Variants in STAT4 observed in about 807,000 individuals in gnomAD.
STAT4 encodes the protein signal transducer and activator of transcription 4.
STAT4 carries 42 observed loss-of-function variants against 110.5 expected under a neutral mutation model. That is an observed-to-expected ratio of 0.38 (90% CI 0.30 to 0.49). STAT4 has a LOEUF of 0.49. Among genes scored for constraint, STAT4 ranks in the 20% least tolerant of loss-of-function variants. The pLI, the probability that STAT4 is intolerant of heterozygous loss-of-function variation, is 0.95. For missense variants in STAT4, 632 were observed against 887.9 expected, an observed-to-expected ratio of 0.71 and a Z score of 3.66; for synonymous variants, 284 against 302.2, an observed-to-expected ratio of 0.94 and a Z score of 0.63.
chr2:191,060,554 GATT>G lies in STAT4; in HGVS notation c.1034+1172_1034+1174del, dbSNP rs1381663311. Reference sequence around the variant, plus strand: ...CTGCCTCAGCCTCTTAAGTAGCTGGGATTACAGGCATGAGCCAACATGCTCAGC... The same window carrying G: ...CTGCCTCAGCCTCTTAAGTAGCTGGGACAGGCATGAGCCAACATGCTCAGC... On this transcript the variant is annotated intron_variant, in intron 10 of 23. Transcript: ENST00000392320. This position sits in a 1 kb window ranked among gnomAD's most constrained non-coding sequence, Gnocchi z 4.5. 6.6e-6 allele frequency among the ~76,000 whole-genome samples: 1 copy of G among 152,128 alleles called. No individual in the cohort carries two copies. The highest frequency in any genetic ancestry group is 1.5e-5 in the Non-Finnish European group (1 of 68,016).
chr2:191,076,281 T>C lies in STAT4; in HGVS notation c.318A>G (p.Ser106=), dbSNP rs3024838. The change falls in exon 4 of 24, where the codon TCA becomes TCG. Residue 106 remains serine (S), a synonymous_variant. Coordinates refer to ENST00000392320, the MANE Select transcript of STAT4 (RefSeq NM_003151.4). Reference sequence around the variant, plus strand: ...TTCTCCTCTCTTCCCTTAAACAGTTTGAAATAACCACAGCTACATGCATTG... The same window carrying C: ...TTCTCCTCTCTTCCCTTAAACAGTTCGAAATAACCACAGCTACATGCATTG... ...GNPMHVAVVI[S]NCLREERRIL... is the part of the protein sequence containing the mutation. 1.1e-3 allele frequency: 1,696 copies of C among 1,613,736 alleles called. 14 individuals carry two copies. In the African/African-American group the frequency reaches 0.02, roughly 19 times the overall value.
In STAT4 at chr2:191,033,332, T is replaced by C. The variant is rs565804299; in HGVS notation, c.1852+158A>G. On this transcript the variant is annotated intron_variant, in intron 20 of 23. Coordinates refer to ENST00000392320, the MANE Select transcript of STAT4 (RefSeq NM_003151.4). This position sits in a 1 kb window ranked among gnomAD's most constrained non-coding sequence, Gnocchi z 6.9. Reference sequence around the variant, plus strand: ...CATACGATAGACTTTTTGGAATTCATAGGTACCCTGTTCTGAGACAACTGC... The same window carrying C: ...CATACGATAGACTTTTTGGAATTCACAGGTACCCTGTTCTGAGACAACTGC... Among the ~76,000 whole-genome samples the C allele has an allele frequency of 2.0e-5, 3 of 152,348 alleles. No individual in the cohort carries two copies. The highest frequency in any genetic ancestry group is 4.1e-4 in the South Asian group (2 of 4,830).
In STAT4 at chr2:191,039,160, G is replaced by A. The variant is rs371804659; in HGVS notation, c.1434+39C>T. The A allele has an allele frequency of 1.5e-5, 24 of 1,573,590 alleles. No homozygotes were observed. The highest frequency in any genetic ancestry group is 3.3e-5 in the Admixed American group (2 of 59,940). ...GTGTTTGTTGGCAATAAAACAAATC[G>A]AATAGCATTAAAGAAGTTGAGGTAG... On this transcript the variant is annotated intron_variant, in intron 16 of 23. Transcript: ENST00000392320. This position sits in a 1 kb window ranked among gnomAD's most constrained non-coding sequence, Gnocchi z 4.7.
Position 191,060,041 on chromosome 2 carries a change from A to G in STAT4, c.1035-1272T>C, listed in dbSNP as rs1051911917. ...GTTTTAGGAAAACCTTGAGTAAAGG[A>G]TCACCTATCAAGATGGTGGGGAATA... On this transcript the variant is annotated intron_variant, in intron 10 of 23. Transcript: ENST00000392320. This position sits in a 1 kb window ranked among gnomAD's most constrained non-coding sequence, Gnocchi z 4.5. 6.6e-6 allele frequency among the ~76,000 whole-genome samples: 1 copy of G among 152,162 alleles called. No individual in the cohort carries two copies. The highest frequency in any genetic ancestry group is 2.4e-5 in the African/African-American group (1 of 41,446).
intron 3 of STAT4, among the ~76,000 whole-genome samples, chr2:191,139,847 C>A (rs544363184): frequency 6.6e-6 from 1 of 152,260 alleles, no homozygotes; most frequent in East Asian, 1.9e-4. Context: ...TACCCAACTT[C>A]AAATTATATT....
Position 191,077,090 on chromosome 2 carries a change from A to G in STAT4, c.274-765T>C, listed in dbSNP as rs1318385601. On this transcript the variant is annotated intron_variant, in intron 3 of 23. Transcript: ENST00000392320. The surrounding 1 kb of genome is among the most constrained non-coding windows in gnomAD (Gnocchi z 4.1). ...TAGTATACTAGAGTGAAACTATATG[A>G]TACATTGTTTCAGCAACTATATTTT... Among the ~76,000 whole-genome samples the G allele has an allele frequency of 6.6e-6, 1 of 152,190 alleles. No individual in the cohort carries two copies. Among genetic ancestry groups the G allele is most frequent in the African/African-American group, 2.4e-5 (1 of 41,442 alleles).
intron 3 of STAT4, among the ~76,000 whole-genome samples, chr2:191,079,134 T>A (rs1171542539): frequency 6.7e-6 from 1 of 150,068 alleles, no homozygotes; most frequent in Non-Finnish European, 1.5e-5. Context: ...CAATAGATAA[T>A]CTTTTTGTGT....
In STAT4 at chr2:191,090,238, C is replaced by T. The variant is rs1244764833; in HGVS notation, c.274-13913G>A. ...CAAAGATTGCTCTAAAAAACAAATC[C>T]TTTTTATTTTCTGAAATTGTCTTAC... On this transcript the variant is annotated intron_variant, in intron 3 of 23. Coordinates refer to ENST00000392320, the MANE Select transcript of STAT4 (RefSeq NM_003151.4). The surrounding 1 kb of genome is among the most constrained non-coding windows in gnomAD (Gnocchi z 4.2). Among the ~76,000 whole-genome samples, 3 of 151,914 alleles carry T rather than the reference C, an allele frequency of 2.0e-5. No individual in the cohort carries two copies. Among genetic ancestry groups the T allele is most frequent in the South Asian group, 2.1e-4 (1 of 4,816 alleles).
chr2:191,031,257 G>T lies in STAT4; in HGVS notation c.2112-177C>A. The T allele has an allele frequency of 1.1e-6, 1 of 882,816 alleles. No individual in the cohort carries two copies. The highest frequency in any genetic ancestry group is 1.7e-6 in the Non-Finnish European group (1 of 581,102). The allele number at this position is 882,816 out of a possible 1,614,324, so 54.7% of individuals were successfully genotyped here. The stretch of plus-strand genomic sequence containing the variant: ...ACTGTGGCATATATGGCATATAAAA[G>T]GGGAATTTTATAATTTTAGGCACAA... On this transcript the variant is annotated intron_variant, in intron 22 of 23. Transcript: ENST00000392320. The surrounding 1 kb of genome is among the most constrained non-coding windows in gnomAD (Gnocchi z 4.8).
intron 18 of STAT4, 74 bp from the exon 19 acceptor site, chr2:191,034,079 T>A: frequency 3.9e-6 from 4 of 1,035,996 alleles, no homozygotes; most frequent in Non-Finnish European, 5.8e-6. Flanking sequence ...TTAAGTTCAA[T>A]TTTTCACCAA....
chr2:191,132,591 AC>A (rs1285420473), intron 3 of STAT4, among the ~76,000 whole-genome samples: 1 of 151,708 alleles, frequency 6.6e-6, no homozygotes, highest in Non-Finnish European at 1.5e-5. Flanking sequence ...AATGTAACTA[AC>A]AAAATATAAA....
At chr2:191,141,549 AT>A (rs1344287590) in intron 3 of STAT4, among the ~76,000 whole-genome samples, 4 of 147,194 alleles carry the variant, frequency 2.7e-5, no homozygotes, top group African/African-American at 9.9e-5. Context: ...TGATATATAT[AT>A]TTTTATATAT....
At chr2:191,122,885 C>T (rs1698776957) in intron 3 of STAT4, among the ~76,000 whole-genome samples, 1 of 152,152 alleles carries the variant, frequency 6.6e-6, no homozygotes, top group South Asian at 2.1e-4. Context: ...GAGACTTCTA[C>T]ATCTGGAACT....
In STAT4 at chr2:191,142,296, T is replaced by G. The variant is rs1254301346; in HGVS notation, c.273+4317A>C. Among the ~76,000 whole-genome samples the G allele has an allele frequency of 1.3e-5, 2 of 151,994 alleles. No individual in the cohort carries two copies. Among genetic ancestry groups the G allele is most frequent in the Non-Finnish European group, 2.9e-5 (2 of 67,984 alleles). ...TTTGGCCATAAAAAGAATAAAATCA[T>G]GTCATTTGCAGCAACACGGATCGTA... On this transcript the variant is annotated intron_variant, in intron 3 of 23. Coordinates refer to ENST00000392320, the MANE Select transcript of STAT4 (RefSeq NM_003151.4). This position sits in a 1 kb window ranked among gnomAD's most constrained non-coding sequence, Gnocchi z 4.1.
chr2:191,033,022 G>T lies in STAT4; in HGVS notation c.1980C>A (p.Tyr660Ter). The T allele has an allele frequency of 6.2e-7, 1 of 1,614,202 alleles. No individual in the cohort carries two copies. Among genetic ancestry groups the T allele is most frequent in the Non-Finnish European group, 8.5e-7 (1 of 1,180,030 alleles). ...AENIPENPLK[Y>*]LYPDIPKDKA... ...TGTCTTTGGGAATGTCAGGATATAG[G>T]TACTTCAGAGGGTTTTCAGGAATGT... The change falls in exon 21 of 24, where the codon TAC becomes TAA. Residue 660 changes from tyrosine (Y) to a stop codon, truncating the protein, a stop_gained. Transcript: ENST00000392320. LOFTEE classifies it high-confidence loss of function. This position sits in a 1 kb window ranked among gnomAD's most constrained non-coding sequence, Gnocchi z 6.9.
chr2:191,031,209 T>C lies in STAT4; in HGVS notation c.2112-129A>G, dbSNP rs3024902. ...TGACATTGAGTTATCTAATTCATCA[T>C]TTCATATCAGAACACTCAACTTACT... is the stretch of plus-strand genomic sequence containing the variant. On this transcript the variant is annotated intron_variant, in intron 22 of 23. Coordinates refer to ENST00000392320, the MANE Select transcript of STAT4 (RefSeq NM_003151.4). This position sits in a 1 kb window ranked among gnomAD's most constrained non-coding sequence, Gnocchi z 4.8. 1,885 of 1,029,304 alleles carry C rather than the reference T, an allele frequency of 1.8e-3. 24 individuals carry two copies. In the African/African-American group the frequency reaches 0.027, roughly 15 times the overall value. 63.8% of individuals were successfully genotyped at this position (1,029,304 alleles called of 1,614,324 possible). A position where few individuals can be genotyped will look rare whatever the true frequency, so the allele number is the denominator to read the frequency against.
intron 3 of STAT4, among the ~76,000 whole-genome samples, chr2:191,084,012 C>A (rs1228368656): frequency 7.2e-5 from 11 of 152,104 alleles, no homozygotes; most frequent in Non-Finnish European, 1.0e-4. Context: ...GCCTGTAATT[C>A]CAGCACTTTG....
chr2:191,133,801 T>G (rs1699105848), intron 3 of STAT4, among the ~76,000 whole-genome samples: 1 of 151,600 alleles, frequency 6.6e-6, no homozygotes, highest in Admixed American at 6.6e-5. Context: ...TCCAAATGAG[T>G]TGAAAACTTA....
At chr2:191,145,141 A>AC (rs1699429428) in intron 3 of STAT4, among the ~76,000 whole-genome samples, 1 of 152,186 alleles carries the variant, frequency 6.6e-6, no homozygotes, top group Non-Finnish European at 1.5e-5. Flanking sequence ...TATAATACAC[A>AC]CACATATTTT....
Sources: allele counts gnomAD v4.1 joint callset (sites outside exome capture counted in the v4.1 genomes callset), GRCh38; gene constraint gnomAD v4.1.1; non-coding constraint Gnocchi (gnomAD v3.1); transcripts MANE v1.5; gene names NCBI Gene and HGNC (gene_info 2026-07-23, HGNC 2026-07-21).